USH2A: variants seen among roughly 807,000 people sequenced by gnomAD.
The protein encoded by USH2A is Usher syndrome 2A (autosomal recessive, mild).
A neutral mutation model predicts 538.9 loss-of-function variants in USH2A; 443 were observed. The ratio of observed to expected loss-of-function variants is 0.82; its 90% confidence interval spans 0.76 to 0.89. The LOEUF is 0.89. Ranked by LOEUF, USH2A falls within the 40% of genes least tolerant of loss-of-function variation. The pLI is 0.00. For synonymous variants in USH2A, 2,413 were observed against 2,273.5 expected, an observed-to-expected ratio of 1.06 and a Z score of -1.75; for missense variants, 6,633 against 6,324.8, an observed-to-expected ratio of 1.05 and a Z score of -1.65.
At chr1:215,965,853 G>C (rs1268131357) in intron 36 of USH2A, among the ~76,000 whole-genome samples, 1 of 151,628 alleles carries the variant, frequency 6.6e-6, no homozygotes, top group Non-Finnish European at 1.5e-5. Context: ...ATAAGTCCTT[G>C]ACTTAGGTGG....
intron 19 of USH2A, chr1:216,195,929 T>A (rs1212063490): frequency 5.9e-6 from 1 of 168,518 alleles, no homozygotes; most frequent in Non-Finnish European, 1.4e-5. Flanking sequence ...GATTGCTGTA[T>A]GTATCAGATG....
intron 60 of USH2A, among the ~76,000 whole-genome samples, chr1:215,740,555 A>C (rs1292228042): frequency 1.3e-5 from 2 of 152,250 alleles, no homozygotes; most frequent in Non-Finnish European, 2.9e-5. Context: ...ACTGGAGAGG[A>C]GAGCCCCTTT....
chr1:215,838,512 C>T lies in USH2A; in HGVS notation c.9259-409G>A, dbSNP rs548672224. ...TGATGGTATCTTCTGGAAGTCTTGA[C>T]ACTGTAAAACAAATAGCCTAAATGC... On this transcript the variant is annotated intron_variant, in intron 46 of 71. Coordinates refer to ENST00000307340, the MANE Select transcript of USH2A (RefSeq NM_206933.4). Among the ~76,000 whole-genome samples the T allele has an allele frequency of 5.9e-5, 9 of 152,176 alleles. 1 individual carries two copies. The highest frequency in any genetic ancestry group is 2.2e-4 in the African/African-American group (9 of 41,448).
At chr1:216,270,020 A>C (rs1342273485) in intron 11 of USH2A, among the ~76,000 whole-genome samples, 2 of 152,168 alleles carry the variant, frequency 1.3e-5, no homozygotes, top group African/African-American at 4.8e-5. Flanking sequence ...TTTTGTGCTT[A>C]AAGGAAATAT....
At chr1:215,743,408 G>GTATATATC in intron 58 of USH2A, 73 bp from the exon 59 acceptor site, 1 of 474,528 alleles carries the variant, frequency 2.1e-6, no homozygotes, top group Non-Finnish European at 3.3e-6. Flanking sequence ...GTGTGTGTGT[G>GTATATATC]TGTGTGTGTA....
At position 215,878,908 on chromosome 1, in the gene USH2A, C is replaced by A; in HGVS notation, c.8414G>T (p.Gly2805Val). ...ATAGGTAGGTAAACTCTCTGTGCACCCTCCAAGGTACCCATTACCCCCTGA... is the reference window on the plus strand; with the variant it reads ...ATAGGTAGGTAAACTCTCTGTGCACACTCCAAGGTACCCATTACCCCCTGA... ...ACSGGNGYLG[G>V]CTESLPTYVT... is the part of the protein sequence containing the mutation. The change falls in exon 42 of 72, where the codon GGG becomes GTG. Residue 2805 changes from glycine (G) to valine (V), a missense_variant. By Grantham distance (109) the Gly-to-Val change is moderately radical. Transcript: ENST00000307340. 1 of 1,613,880 alleles carries A rather than the reference C, an allele frequency of 6.2e-7. No homozygotes were observed. The highest frequency in any genetic ancestry group is 1.3e-5 in the African/African-American group (1 of 74,916).
intron 34 of USH2A, among the ~76,000 whole-genome samples, chr1:215,995,018 T>G (rs967461996): frequency 6.6e-6 from 1 of 152,324 alleles, no homozygotes; most frequent in Middle Eastern, 3.4e-3. Flanking sequence ...AGCTTCTTAT[T>G]GTTAAACTTG....
At chr1:216,171,747 A>G (rs1261280642) in intron 21 of USH2A, among the ~76,000 whole-genome samples, 1 of 152,092 alleles carries the variant, frequency 6.6e-6, no homozygotes, top group Non-Finnish European at 1.5e-5. Context: ...ATTTTAAAGA[A>G]AAGGAAACAG....
At chr1:216,262,653 C>T (rs550832446) in intron 11 of USH2A, among the ~76,000 whole-genome samples, 4 of 152,022 alleles carry the variant, frequency 2.6e-5, no homozygotes, top group African/African-American at 9.6e-5. Flanking sequence ...GTAATAAAAA[C>T]TTATTAATGA....
chr1:215,726,959 T>G (rs1478825032), intron 61 of USH2A, among the ~76,000 whole-genome samples: 1 of 152,302 alleles, frequency 6.6e-6, no homozygotes, highest in African/African-American at 2.4e-5. Flanking sequence ...TCTGCAATAT[T>G]ATAAAACGGA....
chr1:215,683,701 T>G (rs1658319201), intron 61 of USH2A, among the ~76,000 whole-genome samples: 1 of 152,184 alleles, frequency 6.6e-6, no homozygotes, highest in South Asian at 2.1e-4. Context: ...TCACTTTTCT[T>G]CCGTTTCTTC....
At chr1:216,412,313 C>T (rs1025000895) in intron 3 of USH2A, among the ~76,000 whole-genome samples, 1 of 152,018 alleles carries the variant, frequency 6.6e-6, no homozygotes, top group African/African-American at 2.4e-5. Context: ...AGAATAATTA[C>T]TTTTTTACTT....
At chr1:216,388,069 A>G (rs1160928092) in intron 3 of USH2A, among the ~76,000 whole-genome samples, 1 of 152,166 alleles carries the variant, frequency 6.6e-6, no homozygotes, top group Non-Finnish European at 1.5e-5. Context: ...GGACTTGACT[A>G]TATTCTGCCA....
chr1:216,352,106 A>G (rs1427869202), intron 4 of USH2A, among the ~76,000 whole-genome samples: 1 of 152,102 alleles, frequency 6.6e-6, no homozygotes, highest in Non-Finnish European at 1.5e-5. Context: ...GGAGTTCAGG[A>G]AAGAGGCTGG....
chr1:216,246,818 A>G lies in USH2A; in HGVS notation c.2576T>C (p.Leu859Pro). The G allele has an allele frequency of 6.2e-7, 1 of 1,614,174 alleles. No individual in the cohort carries two copies. The highest frequency in any genetic ancestry group is 8.5e-7 in the Non-Finnish European group (1 of 1,179,990). The change falls in exon 13 of 72, where the codon CTG (leucine) becomes CCG (proline). Residue 859 changes from leucine (L) to proline (P), a missense_variant. Coordinates refer to ENST00000307340, the MANE Select transcript of USH2A (RefSeq NM_206933.4). ...CDKTGTINGSLLCNKSTGQCP... is the reference protein window; with the variant it reads ...CDKTGTINGSPLCNKSTGQCP... The stretch of plus-strand genomic sequence containing the variant: ...TTGTCCTGTTGATTTGTTACACAGC[A>G]GAGAGCCATTTATTGTCCCAGTCTT...
chr1:216,396,596 C>T (rs1244049203), intron 3 of USH2A, among the ~76,000 whole-genome samples: 3 of 152,014 alleles, frequency 2.0e-5, no homozygotes, highest in African/African-American at 2.4e-5. Flanking sequence ...AATCATTACA[C>T]GAACCAGTTA....
At chr1:215,804,731 C>A (rs1323221271) in intron 49 of USH2A, among the ~76,000 whole-genome samples, 6 of 152,092 alleles carry the variant, frequency 3.9e-5, no homozygotes, top group Non-Finnish European at 8.8e-5. Flanking sequence ...TGTGGCGATT[C>A]CTCAGGGATC....
At chr1:215,985,630 A>G (rs577253810) in intron 35 of USH2A, among the ~76,000 whole-genome samples, 2 of 152,286 alleles carry the variant, frequency 1.3e-5, no homozygotes. Flanking sequence ...TACTAATGTT[A>G]TTATTGTTAA....
At chr1:216,094,358 C>T (rs1338114203) in intron 22 of USH2A, among the ~76,000 whole-genome samples, 1 of 152,064 alleles carries the variant, frequency 6.6e-6, no homozygotes, top group Non-Finnish European at 1.5e-5. Context: ...TAATCTATTC[C>T]CTTATTCCAC....
Sources: allele counts gnomAD v4.1 joint callset (sites outside exome capture counted in the v4.1 genomes callset), GRCh38; gene constraint gnomAD v4.1.1; transcripts MANE v1.5; gene names NCBI Gene and HGNC (gene_info 2026-07-23, HGNC 2026-07-21).